The following LYST variants were observed in gnomAD, a reference collection of about 807,000 sequenced individuals.
LYST encodes the protein lysosomal-trafficking regulator.
A neutral mutation model predicts 413.6 loss-of-function variants in LYST; 192 were observed. The observed-to-expected ratio is 0.46, with a 90% CI of 0.41 to 0.52. LYST has a LOEUF of 0.52. LYST is among the 20% of genes least tolerant of loss of function. The pLI, the probability that LYST is intolerant of heterozygous loss-of-function variation, is 0.00. For synonymous variants in LYST, 1,525 were observed against 1,567.3 expected, an observed-to-expected ratio of 0.97 and a Z score of 0.64; for missense variants, 3,815 against 4,499.9, an observed-to-expected ratio of 0.85 and a Z score of 4.35.
chr1:235,795,532 C>T (rs190366791), intron 10 of LYST, among the ~76,000 whole-genome samples: 2 of 152,182 alleles, frequency 1.3e-5, no homozygotes, highest in South Asian at 2.1e-4. Flanking sequence ...GTGAAAGATG[C>T]ATTTTTCTAA....
rs566318926 is a variant in LYST, at chr1:235,780,672, T to C, written c.5214+193A>G. On this transcript the variant is annotated intron_variant, in intron 16 of 52. Coordinates refer to ENST00000389793, the MANE Select transcript of LYST (RefSeq NM_000081.4). ...TTTCAAGGAAAAGGAGATATAAATA[T>C]AAAGCCTGAAACAAATTTTGAAAGG... 2.9e-3 allele frequency among the ~76,000 whole-genome samples: 437 copies of C among 151,968 alleles called. 2 individuals carry two copies. Among genetic ancestry groups the C allele is most frequent in the African/African-American group, 0.01 (416 of 41,522 alleles).
At position 235,691,988 on chromosome 1, in the gene LYST, A is replaced by G. The variant is rs911735736; in HGVS notation, c.10701+1362T>C. ...GCTAGGATTACAGGCGTGAGCCACC[A>G]TGCCCAGCCTAACATCAGATTCTTG... On this transcript the variant is annotated intron_variant, in intron 47 of 52. Transcript: ENST00000389793. Among the ~76,000 whole-genome samples the G allele has an allele frequency of 6.1e-5, 9 of 146,654 alleles. No individual in the cohort carries two copies. In the South Asian group the frequency reaches 1.2e-3, roughly 19 times the overall value.
intron 1 of LYST, among the ~76,000 whole-genome samples, chr1:235,846,070 C>T (rs1677822552): frequency 2.6e-5 from 4 of 152,076 alleles, no homozygotes; most frequent in Admixed American, 2.6e-4. Flanking sequence ...CCAACCAGTA[C>T]AAAAATAGAG....
chr1:235,832,044 C>T (rs1327032407), intron 2 of LYST, among the ~76,000 whole-genome samples: 2 of 152,134 alleles, frequency 1.3e-5, no homozygotes, highest in African/African-American at 4.8e-5. Flanking sequence ...ACTGCAGTAT[C>T]GTTTCTGGGA....
chr1:235,856,525 G>A (rs1431036677), intron 1 of LYST, among the ~76,000 whole-genome samples: 1 of 152,178 alleles, frequency 6.6e-6, no homozygotes, highest in African/African-American at 2.4e-5. Context: ...TTCAGAAAAT[G>A]TAGTAAGTAT....
intron 1 of LYST, among the ~76,000 whole-genome samples, chr1:235,872,527 T>G (rs1680978013): frequency 6.6e-6 from 1 of 152,206 alleles, no homozygotes; most frequent in South Asian, 2.1e-4. Context: ...GCAGCATTCC[T>G]TCTTCCCGGA....
chr1:235,743,932 A>G, intron 30 of LYST, 47 bp downstream of exon 30: 2 of 1,048,370 alleles, frequency 1.9e-6, no homozygotes, highest in Non-Finnish European at 3.0e-6. Context: ...TAAAACCTCT[A>G]TTTCCTTTGT....
In LYST at chr1:235,662,932, A is replaced by G; in HGVS notation, c.*8T>C. On this transcript the variant is annotated 3_prime_UTR_variant, in exon 53 of 53. Transcript: ENST00000389793. ...AAGTGCTTTGGAGAACGTGAAGTTC[A>G]TTCGCATTCACCCGGCTGCATAGCT... 1 of 1,455,836 alleles carries G rather than the reference A, an allele frequency of 6.9e-7. No individual in the cohort carries two copies. The highest frequency in any genetic ancestry group is 9.7e-7 in the Non-Finnish European group (1 of 1,035,202). 90.2% of individuals were successfully genotyped at this position (1,455,836 alleles called of 1,614,324 possible).
At position 235,662,555 on chromosome 1, in the gene LYST, G is replaced by T. The variant is rs1412089629; in HGVS notation, c.*385C>A. On this transcript the variant is annotated 3_prime_UTR_variant, in exon 53 of 53. Transcript: ENST00000389793. ...AACTTTTAAAATATAATTTTAGTGT[G>T]TTTTATATAAACAATCAACCAACCA... 3.5e-6 allele frequency: 1 copy of T among 287,326 alleles called. No individual in the cohort carries two copies. Among genetic ancestry groups the T allele is most frequent in the Non-Finnish European group, 6.8e-6 (1 of 147,462 alleles). 17.8% of individuals were successfully genotyped at this position (287,326 alleles called of 1,614,324 possible). A position where few individuals can be genotyped will look rare whatever the true frequency, so the allele number is the denominator to read the frequency against.
intron 45 of LYST, among the ~76,000 whole-genome samples, chr1:235,702,150 A>G (rs1424660928): frequency 3.3e-5 from 5 of 152,218 alleles, no homozygotes; most frequent in African/African-American, 1.2e-4. Context: ...TGTTTTTATA[A>G]CGAAGAATTG....
At position 235,841,347 on chromosome 1, in the gene LYST, G is replaced by T. The variant is rs1677179870; in HGVS notation, c.-97-7680C>A. Reference sequence around the variant, plus strand: ...TTTTCAAGTATTTGTATTTTTTAAAGAATTGGAAGAACCGTATTTTTAGGC... The same window carrying T: ...TTTTCAAGTATTTGTATTTTTTAAATAATTGGAAGAACCGTATTTTTAGGC... On this transcript the variant is annotated intron_variant, in intron 1 of 52. Transcript: ENST00000389793. Among the ~76,000 whole-genome samples, 3 of 152,226 alleles carry T rather than the reference G, an allele frequency of 2.0e-5. No individual in the cohort carries two copies. In the South Asian group the frequency reaches 6.2e-4, roughly 32 times the overall value.
intron 1 of LYST, among the ~76,000 whole-genome samples, chr1:235,840,940 G>C (rs1017388671): frequency 6.6e-6 from 1 of 152,202 alleles, no homozygotes; most frequent in African/African-American, 2.4e-5. Context: ...ACAACTCTCT[G>C]AATACTGGCT....
chr1:235,741,780 C>A, intron 30 of LYST, 152 bp from the exon 31 acceptor site: 1 of 672,794 alleles, frequency 1.5e-6, no homozygotes, highest in Non-Finnish European at 2.7e-6. Flanking sequence ...CATATCCATA[C>A]ACATAGGAGT....
intron 1 of LYST, among the ~76,000 whole-genome samples, chr1:235,872,591 A>G (rs545715555): frequency 1.8e-3 from 281 of 152,274 alleles, no homozygotes; most frequent in African/African-American, 6.4e-3. Context: ...ATCATCCAAC[A>G]GGGGAGGTCA....
At position 235,758,376 on chromosome 1, in the gene LYST, G is replaced by A. The variant is rs569190471; in HGVS notation, c.6881+596C>T. On this transcript the variant is annotated intron_variant, in intron 23 of 52. Transcript: ENST00000389793. ...TAACATGGAGGACTCTGTGCAGTCTGGTGACAGCCTGTCCTGGGAAACACT... is the reference window on the plus strand; with the variant it reads ...TAACATGGAGGACTCTGTGCAGTCTAGTGACAGCCTGTCCTGGGAAACACT... Among the ~76,000 whole-genome samples the A allele has an allele frequency of 2.0e-5, 3 of 152,318 alleles. No individual in the cohort carries two copies. In the South Asian group the frequency reaches 6.2e-4, roughly 32 times the overall value.
At position 235,752,178 on chromosome 1, in the gene LYST, A is replaced by AT. The variant is rs1200691050; in HGVS notation, c.7461-8dup. ...ATATTCACTCATGGGAATGCTAAAG[A>AT]TAACAACAAAAGAAGAAAACAGAAC... On this transcript the variant is annotated splice_region_variant and splice_polypyrimidine_tract_variant and intron_variant, in intron 26 of 52. Coordinates refer to ENST00000389793, the MANE Select transcript of LYST (RefSeq NM_000081.4). 1 of 1,594,780 alleles carries AT rather than the reference A, an allele frequency of 6.3e-7. No individual in the cohort carries two copies. Among genetic ancestry groups the AT allele is most frequent in the African/African-American group, 1.3e-5 (1 of 74,482 alleles).
intron 24 of LYST, among the ~76,000 whole-genome samples, chr1:235,756,278 A>C (rs1479832289): frequency 6.6e-6 from 1 of 152,150 alleles, no homozygotes; most frequent in Non-Finnish European, 1.5e-5. Flanking sequence ...CTACTAAAAA[A>C]GCTTTCTAAG....
At position 235,753,151 on chromosome 1, in the gene LYST, A is replaced by T. The variant is rs1411176205; in HGVS notation, c.7353T>A (p.Leu2451=). ...NILLHNALLL[L]LQILNSCSKV... is the part of the protein sequence containing the mutation. ...TAGAACAAGAATTTAAAATTTGGAGAAGAAGTAAAAGAGCATTATGCAAGA... is the reference window on the plus strand; with the variant it reads ...TAGAACAAGAATTTAAAATTTGGAGTAGAAGTAAAAGAGCATTATGCAAGA... The change falls in exon 26 of 53, where the codon CTT becomes CTA. Residue 2451 remains leucine, a synonymous_variant. Coordinates refer to ENST00000389793, the MANE Select transcript of LYST (RefSeq NM_000081.4). The T allele has an allele frequency of 6.2e-7, 1 of 1,606,188 alleles. No individual in the cohort carries two copies. The highest frequency in any genetic ancestry group is 2.2e-5 in the East Asian group (1 of 44,716).
chr1:235,837,590 G>A (rs567141528), intron 1 of LYST, among the ~76,000 whole-genome samples: 22 of 149,716 alleles, frequency 1.5e-4, no homozygotes, highest in Admixed American at 1.1e-3. Flanking sequence ...TTGAGCCACC[G>A]CATACCAGCC....
Sources: allele counts gnomAD v4.1 joint callset (sites outside exome capture counted in the v4.1 genomes callset), GRCh38; gene constraint gnomAD v4.1.1; transcripts MANE v1.5; gene names NCBI Gene and HGNC (gene_info 2026-07-23, HGNC 2026-07-21).